The following RNLS variants were observed in gnomAD, a reference collection of about 807,000 sequenced individuals.
RNLS encodes the protein renalase, FAD dependent amine oxidase, also known as renalase.
RNLS carries 39 observed loss-of-function variants against 39.8 expected under a neutral mutation model. The ratio of observed to expected loss-of-function variants is 0.98; its 90% CI spans 0.76 to 1.28. RNLS has a LOEUF of 1.28. Among genes scored for constraint, RNLS ranks in the 50% most tolerant of loss-of-function variants. The pLI, the probability that RNLS is intolerant of heterozygous loss-of-function variation, is 0.00. For synonymous variants in RNLS, 147 were observed against 150.7 expected (o/e 0.98, Z 0.18); for missense variants, 410 against 413.3 (o/e 0.99, Z 0.07).
At chr10:88,338,825 G>A (rs552149301) in intron 5 of RNLS, among the ~76,000 whole-genome samples, 277 of 147,704 alleles carry the variant, frequency 1.9e-3, no homozygotes, top group Non-Finnish European at 2.8e-3. Flanking sequence ...GCAGTGGCGC[G>A]ATCTCGGCTC....
At chr10:88,519,503 G>GA (rs148811399) in intron 4 of RNLS, among the ~76,000 whole-genome samples, 35 of 143,654 alleles carry the variant, frequency 2.4e-4, no homozygotes, top group Middle Eastern at 3.6e-3. Flanking sequence ...TTAACAACCA[G>GA]AAAAAAAAAA....
intron 4 of RNLS, among the ~76,000 whole-genome samples, chr10:88,375,753 T>A (rs932376139): frequency 7.9e-5 from 12 of 152,182 alleles, no homozygotes; most frequent in African/African-American, 2.9e-4. Context: ...GTCTGCTAGG[T>A]TCTTTGGCTG....
intron 4 of RNLS, among the ~76,000 whole-genome samples, chr10:88,441,275 G>A (rs1841697501): frequency 6.6e-6 from 1 of 152,128 alleles, no homozygotes; most frequent in South Asian, 2.1e-4. Flanking sequence ...ATTCTTCTGA[G>A]TTTCTATCTA....
intron 4 of RNLS, among the ~76,000 whole-genome samples, chr10:88,417,697 T>C (rs1410118404): frequency 2.0e-5 from 3 of 152,200 alleles, no homozygotes; most frequent in Admixed American, 2.0e-4. Context: ...TGCCAAGGAC[T>C]TTAGCCATAA....
chr10:88,386,406 T>C (rs572260381), intron 4 of RNLS, among the ~76,000 whole-genome samples: 2 of 152,362 alleles, frequency 1.3e-5, no homozygotes, highest in African/African-American at 4.8e-5. Flanking sequence ...TTGTTAATCA[T>C]TAAGCTTTTC....
chr10:88,578,175 T>C (rs567836719), intron 3 of RNLS, among the ~76,000 whole-genome samples: 3 of 152,314 alleles, frequency 2.0e-5, no homozygotes, highest in African/African-American at 7.2e-5. Context: ...GTGCATTATA[T>C]CTTTCATTCC....
intron 4 of RNLS, among the ~76,000 whole-genome samples, chr10:88,502,870 T>C (rs371617081): frequency 6.6e-6 from 1 of 152,064 alleles, no homozygotes; most frequent in Admixed American, 6.6e-5. Context: ...CAATAAATCT[T>C]TAAAAACAAA....
intron 4 of RNLS, among the ~76,000 whole-genome samples, chr10:88,387,283 G>A (rs1851920385): frequency 6.6e-6 from 1 of 152,128 alleles, no homozygotes; most frequent in Non-Finnish European, 1.5e-5. Flanking sequence ...CGGAAAGCAA[G>A]CAAGTCAGCT....
intron 4 of RNLS, among the ~76,000 whole-genome samples, chr10:88,454,081 T>C (rs1386589476): frequency 1.3e-5 from 2 of 152,154 alleles, no homozygotes; most frequent in African/African-American, 2.4e-5. Flanking sequence ...GAAGAGAAGA[T>C]AGCTTATCAC....
chr10:88,280,138 ATTG>A (rs2132604023), downstream of RNLS, among the ~76,000 whole-genome samples: 1 of 152,092 alleles, frequency 6.6e-6, no homozygotes, highest in East Asian at 1.9e-4. Flanking sequence ...CAACATCATC[ATTG>A]TTATTATTTA....
At position 88,285,323 on chromosome 10, in the gene RNLS, A is replaced by C; in HGVS notation, c.*31T>G. ...CAGAAAATTGTGAAAATAAAAACCC[A>C]ATACACATGTAGAGAATAAGGATAT... On this transcript the variant is annotated 3_prime_UTR_variant, in exon 7 of 7. Transcript: ENST00000331772. The C allele has an allele frequency of 6.6e-7, 1 of 1,510,818 alleles. No homozygotes were observed. The highest frequency in any genetic ancestry group is 8.9e-7 in the Non-Finnish European group (1 of 1,121,816). The allele number at this position is 1,510,818 out of a possible 1,614,324, so 93.6% of individuals were successfully genotyped here. A position where few individuals can be genotyped will look rare whatever the true frequency, so the allele number is the denominator to read the frequency against.
downstream of RNLS, among the ~76,000 whole-genome samples, chr10:88,269,447 A>G (rs879596395): frequency 1.3e-5 from 2 of 152,160 alleles, no homozygotes; most frequent in Non-Finnish European, 2.9e-5. Context: ...TTTGGCAGAA[A>G]AACCAAAGTG....
At chr10:88,464,161 T>G (rs963484271) in intron 4 of RNLS, among the ~76,000 whole-genome samples, 3 of 152,040 alleles carry the variant, frequency 2.0e-5, no homozygotes, top group African/African-American at 7.2e-5. Flanking sequence ...TATGATCCAC[T>G]ATTTGCAAAA....
chr10:88,568,810 C>T (rs757061138), intron 4 of RNLS, among the ~76,000 whole-genome samples: 3 of 152,150 alleles, frequency 2.0e-5, no homozygotes, highest in Non-Finnish European at 4.4e-5. Context: ...TTTGAAGATA[C>T]ATTCGTTGCT....
chr10:88,342,005 G>A (rs1847992543), intron 5 of RNLS, among the ~76,000 whole-genome samples: 1 of 152,152 alleles, frequency 6.6e-6, no homozygotes, highest in South Asian at 2.1e-4. Context: ...TTGCAGCCAT[G>A]TAACTATTAG....
chr10:88,270,648 T>A (rs1842623718), downstream of RNLS, among the ~76,000 whole-genome samples: 11 of 152,194 alleles, frequency 7.2e-5, no homozygotes, highest in South Asian at 1.7e-3. Context: ...CACTCCATAA[T>A]GTTTGCCTGT....
chr10:88,503,113 G>A (rs929430673), intron 4 of RNLS, among the ~76,000 whole-genome samples: 3 of 152,290 alleles, frequency 2.0e-5, no homozygotes, highest in Non-Finnish European at 2.9e-5. Flanking sequence ...AGGTGTGGTG[G>A]CTCACACCTG....
intron 4 of RNLS, among the ~76,000 whole-genome samples, chr10:88,421,478 T>C (rs1017694658): frequency 1.3e-5 from 2 of 152,206 alleles, no homozygotes; most frequent in South Asian, 2.1e-4. Flanking sequence ...GCAGTTCTAA[T>C]ATCTTCAAAA....
chr10:88,227,671 C>A, the RNLS span, among the ~76,000 whole-genome samples: 2 of 152,160 alleles, frequency 1.3e-5, no homozygotes, highest in Admixed American at 1.3e-4. Context: ...GAGTTTTAAC[C>A]CTTTCTGGGT....
Sources: gnomAD v4.1 joint callset for allele counts (sites outside exome capture counted in the v4.1 genomes callset) on GRCh38, gnomAD v4.1.1 for gene constraint, MANE v1.5 for transcripts, NCBI Gene and HGNC (gene_info 2026-07-23, HGNC 2026-07-21) for gene names.